Variants in SMC2 observed in about 807,000 individuals in gnomAD.
SMC2 encodes structural maintenance of chromosomes protein 2.
SMC2 carries 41 observed loss-of-function variants against 142.6 expected under a neutral mutation model. The observed-to-expected ratio is 0.29, with a 90% CI of 0.22 to 0.37. The LOEUF is 0.37. SMC2 is among the 10% of genes least tolerant of loss of function. The pLI is 1.00. For synonymous variants in SMC2, 463 were observed against 457.5 expected (o/e 1.01, Z -0.15); for missense variants, 1,265 against 1,373.7 (o/e 0.92, Z 1.25).
At chr9:104,094,738 C>T in intron 1 of SMC2, 1 of 279,734 alleles carries the variant, frequency 3.6e-6, no homozygotes, top group Non-Finnish European at 6.7e-6. Context: ...CATCTCATCT[C>T]TAGTAAATAC....
intron 16 of SMC2, among the ~76,000 whole-genome samples, chr9:104,122,194 G>A (rs1039253168): frequency 6.6e-6 from 1 of 152,124 alleles, no homozygotes; most frequent in African/African-American, 2.4e-5. Context: ...ATTTTGTTCA[G>A]TAGTATTGGA....
chr9:104,119,316 C>A (rs529594409), intron 15 of SMC2, among the ~76,000 whole-genome samples: 1 of 152,140 alleles, frequency 6.6e-6, no homozygotes, highest in South Asian at 2.1e-4. Context: ...AATAAGTAAC[C>A]CCGTATTTTA....
chr9:104,135,480 G>A (rs1034747706), intron 23 of SMC2, among the ~76,000 whole-genome samples: 6 of 152,112 alleles, frequency 3.9e-5, no homozygotes, highest in African/African-American at 1.4e-4. Flanking sequence ...GCTGTCTAAT[G>A]GGCAAGTAAT....
In SMC2 at chr9:104,139,135, T is replaced by G; in HGVS notation, c.3418-4T>G. The G allele has an allele frequency of 2.6e-6, 4 of 1,540,868 alleles. No individual in the cohort carries two copies. The highest frequency in any genetic ancestry group is 3.5e-6 in the Non-Finnish European group (4 of 1,154,786). On this transcript the variant is annotated splice_polypyrimidine_tract_variant and splice_region_variant and intron_variant, in intron 24 of 24. Coordinates refer to ENST00000374793, the MANE Select transcript of SMC2 (RefSeq NM_006444.3). ...TTTTTATACTTTTTTCTTTTTTCCT[T>G]AAGTTCATTGTGGTGTCACTAAAAG...
At chr9:104,098,188 C>A (rs1830674072) in intron 3 of SMC2, among the ~76,000 whole-genome samples, 1 of 152,166 alleles carries the variant, frequency 6.6e-6, no homozygotes, top group Non-Finnish European at 1.5e-5. Flanking sequence ...CCTCGGAGAC[C>A]TAGTCTGGTG....
intron 16 of SMC2, among the ~76,000 whole-genome samples, chr9:104,120,882 C>G (rs925481187): frequency 6.6e-6 from 1 of 152,046 alleles, no homozygotes; most frequent in Non-Finnish European, 1.5e-5. Flanking sequence ...GATAAATATC[C>G]CTGCCTTCAT....
intron 9 of SMC2, among the ~76,000 whole-genome samples, chr9:104,103,786 A>G (rs1831440287): frequency 6.6e-6 from 1 of 152,224 alleles, no homozygotes; most frequent in Non-Finnish European, 1.5e-5. Flanking sequence ...CCTGTTAGAT[A>G]TTTTTGCAGA....
chr9:104,109,485 G>A (rs1335873401), intron 9 of SMC2, among the ~76,000 whole-genome samples: 2 of 152,150 alleles, frequency 1.3e-5, no homozygotes, highest in African/African-American at 2.4e-5. Flanking sequence ...TATTAGTTGC[G>A]CTACTTTTTT....
chr9:104,100,264 G>T (rs1830954043), intron 6 of SMC2, 61 bp downstream of exon 6: 2 of 1,412,190 alleles, frequency 1.4e-6, no homozygotes, highest in Non-Finnish European at 1.9e-6. Context: ...TAGAGTTTTT[G>T]CTGTAAAGAG....
At chr9:104,105,954 A>G (rs1203302591) in intron 9 of SMC2, among the ~76,000 whole-genome samples, 1 of 152,020 alleles carries the variant, frequency 6.6e-6, no homozygotes, top group African/African-American at 2.4e-5. Context: ...CACCTAACAC[A>G]CTCCTGGGAT....
At chr9:104,090,286 G>A (rs1006909285), upstream of SMC2, among the ~76,000 whole-genome samples, 1 of 152,150 alleles carries the variant, frequency 6.6e-6, no homozygotes, top group Admixed American at 6.5e-5. Context: ...CAGATACTGC[G>A]GTAGCCCTCC....
chr9:104,134,593 T>TATTATAA lies in SMC2; in HGVS notation c.3269+20_3269+21insTATAAAT. On this transcript the variant is annotated intron_variant, in intron 23 of 24. Coordinates refer to ENST00000374793, the MANE Select transcript of SMC2 (RefSeq NM_006444.3). ...GGTCAGAGGTGAGGAATCACTTTGC[T>TATTATAA]ATATTATAATTTTCATTCCTCTTTA... is the stretch of plus-strand genomic sequence containing the variant. 6.9e-7 allele frequency: 1 copy of TATTATAA among 1,458,176 alleles called. No individual in the cohort carries two copies. Among genetic ancestry groups the TATTATAA allele is most frequent in the Non-Finnish European group, 9.3e-7 (1 of 1,072,286 alleles). The allele number at this position is 1,458,176 out of a possible 1,614,324, so 90.3% of individuals were successfully genotyped here.
chr9:104,099,114 C>T (rs904539031), intron 4 of SMC2, among the ~76,000 whole-genome samples: 3 of 152,008 alleles, frequency 2.0e-5, no homozygotes, highest in African/African-American at 7.2e-5. Flanking sequence ...AATCTACATT[C>T]TAGTAATACA....
chr9:104,116,168 A>C (rs150644738), intron 13 of SMC2, 32 bp from the exon 14 acceptor site: 10 of 1,551,882 alleles, frequency 6.4e-6, no homozygotes, highest in Non-Finnish European at 7.8e-6. Context: ...CATTTTTAAC[A>C]TGCGTTTTTT....
intron 9 of SMC2, among the ~76,000 whole-genome samples, chr9:104,105,425 C>T (rs913379883): frequency 2.0e-5 from 3 of 152,134 alleles, no homozygotes; most frequent in African/African-American, 7.2e-5. Context: ...ACATAGCACC[C>T]TTTCCCCCAT....
chr9:104,120,121 T>C lies in SMC2; in HGVS notation c.2091T>C (p.Ala697=), dbSNP rs1003645848. The C allele has an allele frequency of 6.2e-6, 10 of 1,613,668 alleles. No homozygotes were observed. Among genetic ancestry groups the C allele is most frequent in the South Asian group, 1.1e-5 (1 of 90,958 alleles). The change falls in exon 16 of 25, where the codon GCT becomes GCC. Residue 697 remains alanine (A), a synonymous_variant. Coordinates refer to ENST00000374793, the MANE Select transcript of SMC2 (RefSeq NM_006444.3). ...ELRIKENELR[A]LEEELAGLKN... is the part of the protein sequence containing the mutation. ...GAATCAAAGAGAATGAGCTGCGGGC[T>C]CTAGAAGAGGAATTAGCAGGTCTTA...
upstream of SMC2, chr9:104,093,137 A>G (rs1210636192): frequency 2.0e-5 from 3 of 152,182 alleles, no homozygotes; most frequent in Non-Finnish European, 4.4e-5. Flanking sequence ...TTTGTTATGG[A>G]AGCCCAAAAG....
intron 9 of SMC2, among the ~76,000 whole-genome samples, chr9:104,110,825 T>C (rs939375027): frequency 6.6e-6 from 1 of 152,232 alleles, no homozygotes; most frequent in African/African-American, 2.4e-5. Flanking sequence ...CCTTCTGTTA[T>C]TCTTCTTGAA....
At chr9:104,118,143 C>T (rs1251881712) in intron 14 of SMC2, 28 bp from the exon 15 acceptor site, 5 of 1,585,830 alleles carry the variant, frequency 3.2e-6, no homozygotes, top group East Asian at 4.5e-5. Flanking sequence ...GTAGTATGTA[C>T]TGTGGCATAT....
Sources: gnomAD v4.1 joint callset for allele counts (sites outside exome capture counted in the v4.1 genomes callset) on GRCh38, gnomAD v4.1.1 for gene constraint, MANE v1.5 for transcripts, NCBI Gene and HGNC (gene_info 2026-07-23, HGNC 2026-07-21) for gene names.